The following MLLT3 variants were observed in gnomAD, a reference collection of about 807,000 sequenced individuals.
The protein encoded by MLLT3 is protein AF-9.
In MLLT3, 4 loss-of-function variants were observed where a neutral mutation model predicts 53.2. That is an observed-to-expected ratio of 0.08 (90% confidence interval 0.04 to 0.17). MLLT3 has a LOEUF of 0.17. MLLT3 is among the 10% of genes least tolerant of loss of function. MLLT3 has a pLI of 1.00. For missense variants in MLLT3, 569 were observed against 684.0 expected, an observed-to-expected ratio of 0.83 and a Z score of 1.87; for synonymous variants, 283 against 230.6, an observed-to-expected ratio of 1.23 and a Z score of -2.06.
intron 2 of MLLT3, among the ~76,000 whole-genome samples, chr9:20,480,745 A>G (rs1824641280): frequency 6.6e-6 from 1 of 152,214 alleles, no homozygotes; most frequent in Non-Finnish European, 1.5e-5. Flanking sequence ...ACCTTTGTAC[A>G]CTTTTGGAAG....
chr9:20,381,801 G>A (rs2118698053), intron 5 of MLLT3, among the ~76,000 whole-genome samples: 1 of 151,796 alleles, frequency 6.6e-6, no homozygotes, highest in Non-Finnish European at 1.5e-5. Flanking sequence ...CATTTTGGAT[G>A]AACGACTTTC....
At chr9:20,615,565 A>C (rs1397877192) in intron 2 of MLLT3, among the ~76,000 whole-genome samples, 1 of 151,974 alleles carries the variant, frequency 6.6e-6, no homozygotes, top group Non-Finnish European at 1.5e-5. Flanking sequence ...ATTAGCAACA[A>C]TAATAACAAT....
At chr9:20,529,879 T>A (rs930648407) in intron 2 of MLLT3, among the ~76,000 whole-genome samples, 1 of 152,070 alleles carries the variant, frequency 6.6e-6, no homozygotes, top group Non-Finnish European at 1.5e-5. Flanking sequence ...CAATTCTTTA[T>A]CAACCAGGCC....
At chr9:20,445,289 G>A (rs1385825388) in intron 4 of MLLT3, among the ~76,000 whole-genome samples, 1 of 151,976 alleles carries the variant, frequency 6.6e-6, no homozygotes, top group East Asian at 1.9e-4. Flanking sequence ...TTTATAACAA[G>A]AATATACTTA....
At chr9:20,497,858 T>C (rs544016146) in intron 2 of MLLT3, among the ~76,000 whole-genome samples, 1 of 152,304 alleles carries the variant, frequency 6.6e-6, no homozygotes, top group East Asian at 1.9e-4. Flanking sequence ...ATGTCCTTAA[T>C]GTTTTATGAA....
At chr9:20,606,877 C>A (rs1278863085) in intron 2 of MLLT3, among the ~76,000 whole-genome samples, 1 of 152,088 alleles carries the variant, frequency 6.6e-6, no homozygotes, top group African/African-American at 2.4e-5. Flanking sequence ...CAAGATTATT[C>A]TTTTGGATCA....
intron 2 of MLLT3, among the ~76,000 whole-genome samples, chr9:20,471,879 A>C (rs1162769057): frequency 1.3e-5 from 2 of 151,648 alleles, no homozygotes; most frequent in African/African-American, 4.8e-5. Context: ...TGTGGATAAT[A>C]CACTTTTACC....
chr9:20,526,502 T>C (rs1818207985), intron 2 of MLLT3, among the ~76,000 whole-genome samples: 3 of 152,214 alleles, frequency 2.0e-5, no homozygotes, highest in Admixed American at 2.0e-4. Context: ...GTATGGCTTC[T>C]TAAGAGTCAT....
At chr9:20,609,291 A>G (rs1157651262) in intron 2 of MLLT3, among the ~76,000 whole-genome samples, 1 of 152,102 alleles carries the variant, frequency 6.6e-6, no homozygotes, top group Non-Finnish European at 1.5e-5. Context: ...TTTCAAAACA[A>G]CTTCAATTCA....
At chr9:20,453,211 G>A (rs1487998262) in intron 3 of MLLT3, among the ~76,000 whole-genome samples, 1 of 152,084 alleles carries the variant, frequency 6.6e-6, no homozygotes, top group African/African-American at 2.4e-5. Flanking sequence ...ATATCCATGT[G>A]CCTTCTACTG....
intron 5 of MLLT3, among the ~76,000 whole-genome samples, chr9:20,377,015 A>T (rs893423358): frequency 6.6e-6 from 1 of 152,190 alleles, no homozygotes; most frequent in South Asian, 2.1e-4. Context: ...CCAAAGACAT[A>T]TGTTTTAGCT....
At chr9:20,478,605 G>A (rs1486019048) in intron 2 of MLLT3, among the ~76,000 whole-genome samples, 1 of 152,108 alleles carries the variant, frequency 6.6e-6, no homozygotes, top group South Asian at 2.1e-4. Context: ...CTCTGCACAT[G>A]ATCACTATAG....
chr9:20,469,724 G>C (rs1191585918), intron 2 of MLLT3, among the ~76,000 whole-genome samples: 1 of 137,856 alleles, frequency 7.3e-6, no homozygotes, highest in Non-Finnish European at 1.6e-5. Flanking sequence ...GTGCAATCAG[G>C]AAAAAAAAAA....
intron 2 of MLLT3, among the ~76,000 whole-genome samples, chr9:20,579,430 A>T (rs1819734353): frequency 6.6e-6 from 1 of 152,132 alleles, no homozygotes; most frequent in Non-Finnish European, 1.5e-5. Flanking sequence ...ATATATACAA[A>T]AGAACAAAAC....
chr9:20,580,346 C>T (rs541272668), intron 2 of MLLT3, among the ~76,000 whole-genome samples: 10 of 151,788 alleles, frequency 6.6e-5, no homozygotes, highest in East Asian at 1.9e-4. Flanking sequence ...TTGCATGTTA[C>T]GTTAGTTAAC....
chr9:20,350,892 T>C (rs983866391), intron 10 of MLLT3, among the ~76,000 whole-genome samples: 2 of 152,168 alleles, frequency 1.3e-5, no homozygotes, highest in Non-Finnish European at 2.9e-5. Context: ...ACCAGGGTTC[T>C]TTCCATGTGA....
intron 5 of MLLT3, among the ~76,000 whole-genome samples, chr9:20,387,498 T>C (rs1586910729): frequency 6.6e-6 from 1 of 152,286 alleles, no homozygotes; most frequent in Non-Finnish European, 1.5e-5. Context: ...CTTAACTCCT[T>C]CACTAGCTAT....
chr9:20,356,359 CG>C (rs1402340830), intron 8 of MLLT3, among the ~76,000 whole-genome samples: 2 of 152,038 alleles, frequency 1.3e-5, no homozygotes, highest in Non-Finnish European at 2.9e-5. Flanking sequence ...GCAAGGCAAT[CG>C]TTTTTAACAT....
chr9:20,513,675 A>G (rs1193530324), intron 2 of MLLT3, among the ~76,000 whole-genome samples: 2 of 152,150 alleles, frequency 1.3e-5, no homozygotes, highest in Admixed American at 1.3e-4. Context: ...TCAGTCAAGT[A>G]GGCTGTATCT....
Sources: gnomAD v4.1 joint callset for allele counts (sites outside exome capture counted in the v4.1 genomes callset) on GRCh38, gnomAD v4.1.1 for gene constraint, MANE v1.5 for transcripts, NCBI Gene and HGNC (gene_info 2026-07-23, HGNC 2026-07-21) for gene names.